The following AKR7A3 variants were observed in gnomAD, a reference collection of about 807,000 sequenced individuals.
AKR7A3 encodes aldo-keto reductase family 7 member A3.
Under a neutral mutation model 32.5 loss-of-function variants are expected in AKR7A3, and 37 were observed. The observed-to-expected ratio is 1.14, with a 90% CI of 0.88 to 1.50. The LOEUF (loss-of-function observed/expected upper bound fraction) is 1.50. AKR7A3 is among the 40% of genes most tolerant of loss of function. The probability of loss-of-function intolerance (pLI) is 0.00; values close to 1 mark genes in which losing one functional copy is unlikely to be tolerated. For missense variants in AKR7A3, 412 were observed against 453.2 expected, an observed-to-expected ratio of 0.91 and a Z score of 0.83; for synonymous variants, 177 against 188.4, an observed-to-expected ratio of 0.94 and a Z score of 0.50.
intron 1 of AKR7A3, among the ~76,000 whole-genome samples, chr1:19,286,760 T>C (rs1156846575): frequency 6.6e-6 from 1 of 151,848 alleles, no homozygotes; most frequent in African/African-American, 2.4e-5. Context: ...TGGAGAGTCC[T>C]CTTCCCACTT....
the AKR7A3 span, among the ~76,000 whole-genome samples, chr1:19,274,594 G>A: frequency 6.6e-6 from 1 of 151,714 alleles, no homozygotes. Context: ...GGAGTGACAT[G>A]GTTAAAGTCT....
chr1:19,276,480 T>C, the AKR7A3 span, among the ~76,000 whole-genome samples: 3 of 150,964 alleles, frequency 2.0e-5, no homozygotes, highest in South Asian at 2.1e-4. Flanking sequence ...AGATATACTA[T>C]ATTTTGAGGC....
chr1:19,277,528 C>CTT, the AKR7A3 span, among the ~76,000 whole-genome samples: 1 of 147,756 alleles, frequency 6.8e-6, no homozygotes, highest in East Asian at 2.0e-4. Context: ...TAAGCATTTA[C>CTT]TTTTTTTTTT....
chr1:19,286,374 T>C lies in AKR7A3; in HGVS notation c.215-2A>G, dbSNP rs768277221. ...GAATGGCCTTGGTATCAATTTTCAC[T>C]GAGAGGAAAGAGAAATGAAATTCAG... On this transcript the variant is annotated splice_acceptor_variant, in intron 1 of 6. Transcript: ENST00000361640. LOFTEE classifies it high-confidence loss of function. The C allele has an allele frequency of 3.5e-5, 56 of 1,613,146 alleles. No homozygotes were observed. In the South Asian group the frequency reaches 5.9e-4, roughly 17 times the overall value.
At position 19,283,997 on chromosome 1, in the gene AKR7A3, T is replaced by C; in HGVS notation, c.833A>G (p.Gln278Arg). Reference sequence around the variant, plus strand: ...TGAGCGCACAGGGTCACTGGTTACCTGCAGCTGTGAGTGGTGGTACATCCA... The same window carrying C: ...TGAGCGCACAGGGTCACTGGTTACCCGCAGCTGTGAGTGGTGGTACATCCA... ...LRWMYHHSQL[Q>R]GAHGDAVILG... The change falls in exon 6 of 7, where the codon CAG becomes CGG. Residue 278 changes from glutamine to arginine, a missense_variant and splice_region_variant. Coordinates refer to ENST00000361640, the MANE Select transcript of AKR7A3 (RefSeq NM_012067.3). 1 of 1,613,212 alleles carries C rather than the reference T, an allele frequency of 6.2e-7. No homozygotes were observed. Among genetic ancestry groups the C allele is most frequent in the Non-Finnish European group, 8.5e-7 (1 of 1,179,868 alleles).
chr1:19,285,095 G>A lies in AKR7A3; in HGVS notation c.527C>T (p.Thr176Ile), dbSNP rs2093727043. 1 of 1,613,658 alleles carries A rather than the reference G, an allele frequency of 6.2e-7. No homozygotes were observed. Among genetic ancestry groups the A allele is most frequent in the Non-Finnish European group, 8.5e-7 (1 of 1,179,872 alleles). The change falls in exon 4 of 7, where the codon ACC (threonine) becomes ATC (isoleucine). Residue 176 changes from threonine (T) to isoleucine (I), a missense_variant. Physicochemically the swap from Thr to Ile is moderately conservative, Grantham distance 89. Coordinates refer to ENST00000361640, the MANE Select transcript of AKR7A3 (RefSeq NM_012067.3). ...TVYQGMYNAI[T>I]RQVETELFPC... ...GAAGAGCTCCGTTTCCACCTGCCGGGTGATGGCATTGTACATGCCCTGTAA... is the reference window on the plus strand; with the variant it reads ...GAAGAGCTCCGTTTCCACCTGCCGGATGATGGCATTGTACATGCCCTGTAA...
At chr1:19,274,909 A>AAAAAAAAAAAAAAAAAAAAAAC in the AKR7A3 span, among the ~76,000 whole-genome samples, 2 of 148,026 alleles carry the variant, frequency 1.4e-5, no homozygotes, top group African/African-American at 2.5e-5. Flanking sequence ...CAAAAAAAAA[A>AAAAAAAAAAAAAAAAAAAAAAC]AAAAAAGACC....
At position 19,288,485 on chromosome 1, in the gene AKR7A3, G is replaced by A. The variant is rs773240088; in HGVS notation, c.214+11C>T. On this transcript the variant is annotated intron_variant, in intron 1 of 6. Coordinates refer to ENST00000361640, the MANE Select transcript of AKR7A3 (RefSeq NM_012067.3). ...GCACCGTGCAGGGGGAGGATCAGGG[G>A]CCACTGTTACCTCTGCAGTCGCTGC... 1.2e-6 allele frequency: 2 copies of A among 1,610,050 alleles called. No homozygotes were observed. Among genetic ancestry groups the A allele is most frequent in the Non-Finnish European group, 1.7e-6 (2 of 1,179,190 alleles).
the AKR7A3 span, among the ~76,000 whole-genome samples, chr1:19,277,091 G>A: frequency 6.6e-6 from 1 of 151,460 alleles, no homozygotes; most frequent in African/African-American, 2.4e-5. Context: ...TACAGCCTGG[G>A]CAACAGAGTG....
At chr1:19,278,057 C>T (rs2093713664), downstream of AKR7A3, among the ~76,000 whole-genome samples, 1 of 151,882 alleles carries the variant, frequency 6.6e-6, no homozygotes, top group Non-Finnish European at 1.5e-5. Context: ...CAAAGTCATA[C>T]TTACTCCAGT....
chr1:19,285,191 T>C, intron 3 of AKR7A3, 77 bp from the exon 4 acceptor site: 1 of 1,362,956 alleles, frequency 7.3e-7, no homozygotes, highest in Non-Finnish European at 1.0e-6. Context: ...TCCAGAACCC[T>C]TATTTCAGAC....
chr1:19,286,490 A>G (rs2093730232), intron 1 of AKR7A3, 118 bp from the exon 2 acceptor site: 1 of 1,042,844 alleles, frequency 9.6e-7, no homozygotes, highest in Admixed American at 2.3e-5. Flanking sequence ...GACCAGCTGG[A>G]CCAACATGGT....
downstream of AKR7A3, among the ~76,000 whole-genome samples, chr1:19,278,888 T>C (rs79616243): frequency 0.02 from 3,055 of 152,060 alleles, 131 homozygotes; most frequent in East Asian, 0.065. Context: ...CCTTTTGCAA[T>C]TGGCGTCTTT....
At chr1:19,276,310 G>A in the AKR7A3 span, among the ~76,000 whole-genome samples, 2 of 140,208 alleles carry the variant, frequency 1.4e-5, no homozygotes, top group Admixed American at 1.5e-4. Context: ...GCAGTGAGCC[G>A]AGATTGCGCC....
chr1:19,282,568 C>T, downstream of AKR7A3: 1 of 1,184,398 alleles, frequency 8.4e-7, no homozygotes, highest in Non-Finnish European at 1.2e-6. Context: ...TAACACACAG[C>T]ACCCTGGGAG....
At chr1:19,285,821 G>A in intron 3 of AKR7A3, 67 bp downstream of exon 3, 1 of 1,595,868 alleles carries the variant, frequency 6.3e-7, no homozygotes. Flanking sequence ...GGCAGTCAGA[G>A]GGGCAAAGAC....
chr1:19,275,426 A>C, the AKR7A3 span, among the ~76,000 whole-genome samples: 7 of 151,834 alleles, frequency 4.6e-5, no homozygotes, highest in South Asian at 4.1e-4. Flanking sequence ...AAAAAAAGTA[A>C]AAAGGTGGGA....
intron 3 of AKR7A3, 50 bp from the exon 4 acceptor site, chr1:19,285,164 G>T (rs372042622): frequency 1.8e-4 from 276 of 1,567,558 alleles, no homozygotes; most frequent in Non-Finnish European, 2.2e-4. Context: ...CAAAAGAAGA[G>T]ACTTCAAAAT....
chr1:19,279,305 C>A (rs2093715577), downstream of AKR7A3, among the ~76,000 whole-genome samples: 1 of 151,732 alleles, frequency 6.6e-6, no homozygotes, highest in Non-Finnish European at 1.5e-5. Context: ...GAATATACCA[C>A]ATTTTGTTTA....
Sources: gnomAD v4.1 joint callset for allele counts (sites outside exome capture counted in the v4.1 genomes callset) on GRCh38, gnomAD v4.1.1 for gene constraint, MANE v1.5 for transcripts, NCBI Gene and HGNC (gene_info 2026-07-23, HGNC 2026-07-21) for gene names.